AGAP1: variants seen among roughly 807,000 people sequenced by gnomAD.
The protein encoded by AGAP1 is arf-GAP with GTPase, ANK repeat and PH domain-containing protein 1.
A neutral mutation model predicts 105.3 loss-of-function variants in AGAP1; 29 were observed. That is an observed-to-expected ratio of 0.28 (90% CI 0.21 to 0.38). The LOEUF (loss-of-function observed/expected upper bound fraction) is 0.38. Ranked by LOEUF, AGAP1 falls within the 10% of genes least tolerant of loss-of-function variation. The pLI, the probability that AGAP1 is intolerant of heterozygous loss-of-function variation, is 1.00. For missense variants in AGAP1, 998 were observed against 1,165.1 expected (o/e 0.86, Z 2.09); for synonymous variants, 509 against 485.9 (o/e 1.05, Z -0.63).
chr2:235,927,420 G>A lies in AGAP1; in HGVS notation c.1325-3345G>A, dbSNP rs962001845. ...GTCCTTGTATTTTGATGGACAGACA[G>A]AAGTTTGAAAACCAGTACATTCACA... On this transcript the variant is annotated intron_variant, in intron 11 of 17. Coordinates refer to ENST00000304032, the MANE Select transcript of AGAP1 (RefSeq NM_001037131.3). The surrounding 1 kb of genome is among the most constrained non-coding windows in gnomAD (Gnocchi z 4.4). Among the ~76,000 whole-genome samples, 1 of 152,216 alleles carries A rather than the reference G, an allele frequency of 6.6e-6. No individual in the cohort carries two copies. The highest frequency in any genetic ancestry group is 1.5e-5 in the Non-Finnish European group (1 of 68,036).
chr2:236,109,440 T>C lies in AGAP1; in HGVS notation c.2115-10752T>C, dbSNP rs1249837650. Among the ~76,000 whole-genome samples, 1 of 152,112 alleles carries C rather than the reference T, an allele frequency of 6.6e-6. No individual in the cohort carries two copies. The highest frequency in any genetic ancestry group is 1.5e-5 in the Non-Finnish European group (1 of 68,020). On this transcript the variant is annotated intron_variant, in intron 16 of 17. Coordinates refer to ENST00000304032, the MANE Select transcript of AGAP1 (RefSeq NM_001037131.3). The surrounding 1 kb of genome is among the most constrained non-coding windows in gnomAD (Gnocchi z 5.4). The stretch of plus-strand genomic sequence containing the variant: ...TATTATAAATATTTATAATAATAAA[T>C]TATAGATAGTTTTGATAGGGAAGAA...
intron 12 of AGAP1, among the ~76,000 whole-genome samples, chr2:235,966,758 C>T (rs908590369): frequency 1.3e-5 from 2 of 152,078 alleles, no homozygotes; most frequent in Non-Finnish European, 2.9e-5. Context: ...GAGCTCCCCA[C>T]AGCCCTCTTC....
In AGAP1 at chr2:235,930,516, G is replaced by A. The variant is rs369874033; in HGVS notation, c.1325-249G>A. Reference sequence around the variant, plus strand: ...GTTGCGTCTTTGTATAGGGTTGTTCGGTGCGAGCCATCTGTGGCATCGGGT... The same window carrying A: ...GTTGCGTCTTTGTATAGGGTTGTTCAGTGCGAGCCATCTGTGGCATCGGGT... On this transcript the variant is annotated intron_variant, in intron 11 of 17. Coordinates refer to ENST00000304032, the MANE Select transcript of AGAP1 (RefSeq NM_001037131.3). This position sits in a 1 kb window ranked among gnomAD's most constrained non-coding sequence, Gnocchi z 7.9. 4.0e-4 allele frequency among the ~76,000 whole-genome samples: 61 copies of A among 152,162 alleles called. No individual in the cohort carries two copies. Among genetic ancestry groups the A allele is most frequent in the East Asian group, 3.9e-4 (2 of 5,172 alleles).
intron 1 of AGAP1, among the ~76,000 whole-genome samples, chr2:235,554,859 A>G (rs1943924885): frequency 6.6e-6 from 1 of 152,074 alleles, no homozygotes; most frequent in African/African-American, 2.4e-5. Flanking sequence ...TAGTGGAGAC[A>G]AGGTTTCACC....
At chr2:235,563,129 G>C (rs923486221) in intron 1 of AGAP1, among the ~76,000 whole-genome samples, 2 of 152,180 alleles carry the variant, frequency 1.3e-5, no homozygotes, top group Admixed American at 6.5e-5. Context: ...AACAGGACCT[G>C]CCTTGTGCTG....
chr2:235,521,734 T>G (rs1942621048), intron 1 of AGAP1, among the ~76,000 whole-genome samples: 2 of 25,582 alleles, frequency 7.8e-5, no homozygotes, highest in Non-Finnish European at 1.7e-4. Context: ...TTTTTGTTTG[T>G]TATATATATG....
At position 236,087,278 on chromosome 2, in the gene AGAP1, T is replaced by G. The variant is rs1882363; in HGVS notation, c.2115-32914T>G. On this transcript the variant is annotated intron_variant, in intron 16 of 17. Coordinates refer to ENST00000304032, the MANE Select transcript of AGAP1 (RefSeq NM_001037131.3). This position sits in a 1 kb window ranked among gnomAD's most constrained non-coding sequence, Gnocchi z 5.7. Reference sequence around the variant, plus strand: ...AGGGCATTCCAGTGTTATTTAGGGGTCGAGGTGGGAATGAGAGGAAGCCAG... The same window carrying G: ...AGGGCATTCCAGTGTTATTTAGGGGGCGAGGTGGGAATGAGAGGAAGCCAG... Among the ~76,000 whole-genome samples, 149,795 of 151,800 alleles carry G rather than the reference T, an allele frequency of 0.99. 73,916 individuals carry two copies. The highest frequency in any genetic ancestry group is 1 in the East Asian group (5,128 of 5,128).
intron 5 of AGAP1, among the ~76,000 whole-genome samples, chr2:235,746,003 G>C (rs1394058855): frequency 2.0e-5 from 3 of 152,188 alleles, no homozygotes; most frequent in African/African-American, 7.2e-5. Context: ...GTGCATGCCT[G>C]TAATACCAGC....
chr2:235,607,357 A>G (rs1054596674), intron 1 of AGAP1, among the ~76,000 whole-genome samples: 1 of 152,198 alleles, frequency 6.6e-6, no homozygotes, highest in Non-Finnish European at 1.5e-5. Context: ...ACTTTACCTT[A>G]TATTCATGCA....
At chr2:236,047,504 G>T (rs1188450088) in intron 15 of AGAP1, among the ~76,000 whole-genome samples, 1 of 148,844 alleles carries the variant, frequency 6.7e-6, no homozygotes, top group Non-Finnish European at 1.5e-5. Flanking sequence ...GCATTTCTCT[G>T]TTCTCTTCTG....
At chr2:235,676,826 T>C (rs1234321676) in intron 1 of AGAP1, among the ~76,000 whole-genome samples, 1 of 152,138 alleles carries the variant, frequency 6.6e-6, no homozygotes, top group Non-Finnish European at 1.5e-5. Flanking sequence ...TGAAAAAAAG[T>C]TATAGTTATT....
In AGAP1 at chr2:235,557,154, A is replaced by G. The variant is rs949829035; in HGVS notation, c.163+62305A>G. 7.9e-5 allele frequency among the ~76,000 whole-genome samples: 12 copies of G among 151,858 alleles called. No individual in the cohort carries two copies. Among genetic ancestry groups the G allele is most frequent in the African/African-American group, 2.9e-4 (12 of 41,328 alleles). Reference sequence around the variant, plus strand: ...CCTGGTCTGCCTCCTGCTTGCTTCCATAGCAGAGCCTGTGGGACGTGAACC... The same window carrying G: ...CCTGGTCTGCCTCCTGCTTGCTTCCGTAGCAGAGCCTGTGGGACGTGAACC... On this transcript the variant is annotated intron_variant, in intron 1 of 17. Transcript: ENST00000304032. This position sits in a 1 kb window ranked among gnomAD's most constrained non-coding sequence, Gnocchi z 4.7.
rs561425725 is a variant in AGAP1, at chr2:235,622,022, G to A, written c.164-87157G>A. 6.6e-6 allele frequency among the ~76,000 whole-genome samples: 1 copy of A among 152,282 alleles called. No individual in the cohort carries two copies. The highest frequency in any genetic ancestry group is 1.9e-4 in the East Asian group (1 of 5,182). ...TTTAAATGCATTCCTCTAACTAGTG[G>A]TCAGCTTGCTACTGTCCAACCTAAG... On this transcript the variant is annotated intron_variant, in intron 1 of 17. Transcript: ENST00000304032. The surrounding 1 kb of genome is among the most constrained non-coding windows in gnomAD (Gnocchi z 5.0).
chr2:235,804,183 G>C (rs188182667), intron 8 of AGAP1, among the ~76,000 whole-genome samples: 3 of 152,202 alleles, frequency 2.0e-5, no homozygotes, highest in Non-Finnish European at 2.9e-5. Flanking sequence ...ACCTGAATTT[G>C]GTCTATATTA....
intron 1 of AGAP1, among the ~76,000 whole-genome samples, chr2:235,617,217 A>T (rs531221910): frequency 6.6e-6 from 1 of 152,364 alleles, no homozygotes; most frequent in African/African-American, 2.4e-5. Flanking sequence ...TTAAAATAAT[A>T]ACTTTCAAAA....
chr2:236,091,957 A>G (rs191071584), intron 16 of AGAP1, among the ~76,000 whole-genome samples: 4 of 152,324 alleles, frequency 2.6e-5, no homozygotes, highest in Admixed American at 2.6e-4. Context: ...TGAATTCTTA[A>G]TACACAACAA....
At position 236,038,033 on chromosome 2, in the gene AGAP1, C is replaced by G. The variant is rs1198465860; in HGVS notation, c.1800+1318C>G. 6.6e-6 allele frequency among the ~76,000 whole-genome samples: 1 copy of G among 152,158 alleles called. No individual in the cohort carries two copies. Among genetic ancestry groups the G allele is most frequent in the Admixed American group, 6.5e-5 (1 of 15,276 alleles). ...TGTCTTATTTTATTACCCTCTTTAA[C>G]CAGGGTAAACCAGACCACAGTCATT... On this transcript the variant is annotated intron_variant, in intron 14 of 17. Coordinates refer to ENST00000304032, the MANE Select transcript of AGAP1 (RefSeq NM_001037131.3). This position sits in a 1 kb window ranked among gnomAD's most constrained non-coding sequence, Gnocchi z 4.5.
intron 16 of AGAP1, among the ~76,000 whole-genome samples, chr2:236,067,499 G>A (rs191359407): frequency 3.4e-4 from 52 of 152,258 alleles, no homozygotes; most frequent in African/African-American, 1.2e-3. Context: ...GCTAAATCAG[G>A]TGGGCAGGAC....
At chr2:235,759,992 T>C (rs1221805367) in intron 6 of AGAP1, among the ~76,000 whole-genome samples, 1 of 152,198 alleles carries the variant, frequency 6.6e-6, no homozygotes, top group Non-Finnish European at 1.5e-5. Context: ...ATTCTTACCC[T>C]CATGAAGCTA....
Sources: gnomAD v4.1 joint callset for allele counts (sites outside exome capture counted in the v4.1 genomes callset) on GRCh38, gnomAD v4.1.1 for gene constraint, Gnocchi (gnomAD v3.1) non-coding constraint, MANE v1.5 for transcripts, NCBI Gene and HGNC (gene_info 2026-07-23, HGNC 2026-07-21) for gene names.